PLEKHA6: variants seen among roughly 807,000 people sequenced by gnomAD.
PLEKHA6 encodes pleckstrin homology domain containing A6.
PLEKHA6 carries 60 observed loss-of-function variants against 116.7 expected under a neutral mutation model. The observed-to-expected ratio is 0.51, with a 90% CI of 0.42 to 0.64. PLEKHA6 has a LOEUF of 0.64. PLEKHA6 is among the 30% of genes least tolerant of loss of function. The pLI is 0.00. For synonymous variants in PLEKHA6, 489 were observed against 556.1 expected (o/e 0.88, Z 1.70); for missense variants, 1,338 against 1,422.7 (o/e 0.94, Z 0.96).
chr1:204,274,971 G>T, intron 1 of PLEKHA6, 162 bp from the exon 2 acceptor site: 1 of 859,092 alleles, frequency 1.2e-6, no homozygotes, highest in Non-Finnish European at 1.4e-6. Context: ...GCTGACATCT[G>T]GATGAGGGTG....
At chr1:204,298,389 T>C (rs1195031603) in intron 1 of PLEKHA6, among the ~76,000 whole-genome samples, 6 of 152,166 alleles carry the variant, frequency 3.9e-5, no homozygotes, top group Non-Finnish European at 5.9e-5. Context: ...AATCAAACCA[T>C]TTATGAAAGA....
At chr1:204,256,467 T>A (rs1047868473) in intron 9 of PLEKHA6, among the ~76,000 whole-genome samples, 1 of 152,056 alleles carries the variant, frequency 6.6e-6, no homozygotes, top group African/African-American at 2.4e-5. Context: ...GTTTAGAAGA[T>A]CTTGCTTCTT....
intron 15 of PLEKHA6, among the ~76,000 whole-genome samples, chr1:204,243,786 T>C (rs904781272): frequency 1.6e-4 from 24 of 152,186 alleles, no homozygotes; most frequent in African/African-American, 5.8e-4. Flanking sequence ...TTTGAGCACA[T>C]GTGCGTATCT....
chr1:204,354,594 C>T (rs993742021), intron 1 of PLEKHA6, among the ~76,000 whole-genome samples: 13 of 152,184 alleles, frequency 8.5e-5, no homozygotes, highest in Non-Finnish European at 1.6e-4. Context: ...GGTAGTGATA[C>T]TAACCCCAGT....
chr1:204,281,378 A>T (rs1233673482), intron 1 of PLEKHA6, among the ~76,000 whole-genome samples: 2 of 152,162 alleles, frequency 1.3e-5, no homozygotes, highest in East Asian at 3.9e-4. Flanking sequence ...ACAAAAAATT[A>T]GCCGGGCCTG....
intron 3 of PLEKHA6, among the ~76,000 whole-genome samples, chr1:204,270,681 C>T (rs909609245): frequency 8.5e-5 from 13 of 152,196 alleles, no homozygotes; most frequent in African/African-American, 2.2e-4. Context: ...TCCTGCTGTC[C>T]GCCCTCTACA....
chr1:204,273,945 A>T (rs1196533898), intron 2 of PLEKHA6, among the ~76,000 whole-genome samples: 1 of 151,906 alleles, frequency 6.6e-6, no homozygotes, highest in East Asian at 1.9e-4. Flanking sequence ...TATTTTATTT[A>T]TTTTTTGAGA....
chr1:204,352,585 C>T (rs774737636), intron 1 of PLEKHA6, among the ~76,000 whole-genome samples: 1 of 152,202 alleles, frequency 6.6e-6, no homozygotes, highest in Non-Finnish European at 1.5e-5. Flanking sequence ...CTAGGAGAGT[C>T]TATCCTTTTC....
At chr1:204,281,595 A>T (rs1668623394) in intron 1 of PLEKHA6, among the ~76,000 whole-genome samples, 1 of 152,114 alleles carries the variant, frequency 6.6e-6, no homozygotes, top group Admixed American at 6.5e-5. Context: ...CCTGTCTCTA[A>T]AAACAACAAC....
chr1:204,325,315 A>G (rs1672203868), intron 1 of PLEKHA6, among the ~76,000 whole-genome samples: 2 of 152,278 alleles, frequency 1.3e-5, no homozygotes, highest in East Asian at 3.9e-4. Flanking sequence ...AGAAATGCAA[A>G]CTGGGTTTAG....
At chr1:204,283,595 G>C (rs1165051940) in intron 1 of PLEKHA6, among the ~76,000 whole-genome samples, 2 of 152,196 alleles carry the variant, frequency 1.3e-5, no homozygotes, top group Non-Finnish European at 2.9e-5. Context: ...AAAAATTTGA[G>C]TCTTGGGCTC....
chr1:204,259,159 A>C lies in PLEKHA6; in HGVS notation c.1007+99T>G. ...GTTTCCCAACTCAGCCTGCTTCCAG[A>C]AGGTTTCCAACAGGGGATGCCTCGT... On this transcript the variant is annotated intron_variant, in intron 8 of 22. Transcript: ENST00000272203. This position sits in a 1 kb window ranked among gnomAD's most constrained non-coding sequence, Gnocchi z 4.6. The C allele has an allele frequency of 2.9e-6, 4 of 1,377,722 alleles. No individual in the cohort carries two copies. The South Asian group carries it at 5.6e-5, about 19-fold the overall frequency. The allele number at this position is 1,377,722 out of a possible 1,614,324, so 85.3% of individuals were successfully genotyped here.
rs201504496 is a variant in PLEKHA6, at chr1:204,268,326, G to A, written c.103-14C>T. 147 of 1,585,520 alleles carry A rather than the reference G, an allele frequency of 9.3e-5. No homozygotes were observed. The African/African-American group carries it at 1.8e-3, about 19-fold the overall frequency. On this transcript the variant is annotated splice_polypyrimidine_tract_variant and intron_variant, in intron 3 of 22. Transcript: ENST00000272203. ...TGTGCGAGTTGCCTGGGGGCAGAGA[G>A]AGAAGCTGATCTAGGTCCCCAGTCT...
intron 1 of PLEKHA6, among the ~76,000 whole-genome samples, chr1:204,345,016 A>G (rs1418297650): frequency 6.6e-6 from 1 of 152,124 alleles, no homozygotes; most frequent in African/African-American, 2.4e-5. Context: ...CCGAGCACCA[A>G]CTCTTTCAAG....
intron 1 of PLEKHA6, among the ~76,000 whole-genome samples, chr1:204,355,979 A>G (rs1673402830): frequency 1.4e-5 from 1 of 70,884 alleles, no homozygotes; most frequent in Admixed American, 1.7e-4. Flanking sequence ...CATGGCACAC[A>G]CACACACACA....
intron 1 of PLEKHA6, chr1:204,299,484 T>A (rs1266736329): frequency 5.1e-6 from 1 of 196,428 alleles, no homozygotes; most frequent in Non-Finnish European, 9.2e-6. Flanking sequence ...CTAAGGTCCA[T>A]AGGGAAGGTG....
At chr1:204,338,682 G>T (rs1184266502) in intron 1 of PLEKHA6, among the ~76,000 whole-genome samples, 1 of 152,198 alleles carries the variant, frequency 6.6e-6, no homozygotes, top group Non-Finnish European at 1.5e-5. Flanking sequence ...GAGACTTGTG[G>T]CTCCTGTGGG....
At chr1:204,266,804 C>T (rs1298984221) in intron 5 of PLEKHA6, among the ~76,000 whole-genome samples, 1 of 152,204 alleles carries the variant, frequency 6.6e-6, no homozygotes, top group Non-Finnish European at 1.5e-5. Context: ...CCTCTCATCC[C>T]TCACGCCTAT....
intron 1 of PLEKHA6, among the ~76,000 whole-genome samples, chr1:204,286,467 C>T (rs551497390): frequency 6.6e-6 from 1 of 152,212 alleles, no homozygotes; most frequent in African/African-American, 2.4e-5. Flanking sequence ...CAGGTGCCAG[C>T]CGGGACAGAA....
Sources: allele counts gnomAD v4.1 joint callset (sites outside exome capture counted in the v4.1 genomes callset), GRCh38; gene constraint gnomAD v4.1.1; non-coding constraint Gnocchi (gnomAD v3.1); transcripts MANE v1.5; gene names NCBI Gene and HGNC (gene_info 2026-07-23, HGNC 2026-07-21).